Variants in ZSWIM5 observed in about 807,000 individuals in gnomAD.
ZSWIM5 encodes the protein zinc finger SWIM-type containing 5, also known as zinc finger SWIM domain-containing protein 5.
Under a neutral mutation model 119.6 loss-of-function variants are expected in ZSWIM5, and 55 were observed. That is an observed-to-expected ratio of 0.46 (90% confidence interval 0.37 to 0.58). The LOEUF (loss-of-function observed/expected upper bound fraction) is 0.58. Ranked by LOEUF, ZSWIM5 falls within the 20% of genes least tolerant of loss-of-function variation. The probability of loss-of-function intolerance (pLI) is 0.00; values close to 1 mark genes in which losing one functional copy is unlikely to be tolerated. For synonymous variants in ZSWIM5, 537 were observed against 606.9 expected (o/e 0.88, Z 1.69); for missense variants, 1,193 against 1,512.8 (o/e 0.79, Z 3.51).
At chr1:45,170,042 A>G (rs1447251869) in intron 1 of ZSWIM5, among the ~76,000 whole-genome samples, 1 of 152,088 alleles carries the variant, frequency 6.6e-6, no homozygotes, top group Non-Finnish European at 1.5e-5. Flanking sequence ...AAGTTCTAAA[A>G]CATTTTAAAA....
At position 45,062,680 on chromosome 1, in the gene ZSWIM5, T is replaced by A. The variant is rs187848871; in HGVS notation, c.953-2433A>T. Reference sequence around the variant, plus strand: ...TATGCCCAACTAATTTATTTTTAAATTTTTTTTGTAGAGATAGGGTCTTGC... The same window carrying A: ...TATGCCCAACTAATTTATTTTTAAAATTTTTTTGTAGAGATAGGGTCTTGC... On this transcript the variant is annotated intron_variant, in intron 2 of 13. Coordinates refer to ENST00000359600, the MANE Select transcript of ZSWIM5 (RefSeq NM_020883.2). 2.0e-3 allele frequency among the ~76,000 whole-genome samples: 302 copies of A among 151,996 alleles called. 3 individuals are homozygous for A. The highest frequency in any genetic ancestry group is 6.2e-3 in the African/African-American group (258 of 41,440).
At position 45,175,133 on chromosome 1, in the gene ZSWIM5, C is replaced by T. The variant is rs150847724; in HGVS notation, c.595+30623G>A. On this transcript the variant is annotated intron_variant, in intron 1 of 13. Coordinates refer to ENST00000359600, the MANE Select transcript of ZSWIM5 (RefSeq NM_020883.2). The stretch of plus-strand genomic sequence containing the variant: ...TTAACTTTCTGACTTCTGATACTTA[C>T]GAAGACTTCAGGCTAGCTATTTTGA... 1.8e-3 allele frequency among the ~76,000 whole-genome samples: 281 copies of T among 152,204 alleles called. 3 individuals are homozygous for T. Among genetic ancestry groups the T allele is most frequent in the Middle Eastern group, 3.4e-3 (1 of 294 alleles).
Position 45,018,361 on chromosome 1 carries a change from T to G in ZSWIM5, c.*93A>C. On this transcript the variant is annotated 3_prime_UTR_variant, in exon 14 of 14. Transcript: ENST00000359600. This position sits in a 1 kb window ranked among gnomAD's most constrained non-coding sequence, Gnocchi z 6.7. ...TGGCCTCATCCACAGGTGCTCAGAG[T>G]TCTCTCAGGGTGGACAAATGTTTCA... The G allele has an allele frequency of 6.7e-7, 1 of 1,498,018 alleles. No homozygotes were observed. Among genetic ancestry groups the G allele is most frequent in the Middle Eastern group, 2.5e-4 (1 of 4,024 alleles). 92.8% of individuals were successfully genotyped at this position (1,498,018 alleles called of 1,614,324 possible). A position where few individuals can be genotyped will look rare whatever the true frequency, so the allele number is the denominator to read the frequency against.
At chr1:45,032,494 T>C (rs1377560565) in intron 11 of ZSWIM5, among the ~76,000 whole-genome samples, 2 of 150,910 alleles carry the variant, frequency 1.3e-5, no homozygotes, top group African/African-American at 4.9e-5. Context: ...TTTTGTTTTT[T>C]TTTTTTTTTT....
In ZSWIM5 at chr1:45,036,039, C is replaced by T. The variant is rs1361337599; in HGVS notation, c.2155G>A (p.Gly719Arg). ...TGACAAGAGACTCTTTTCTACTTACCTTCCAGCAGTAAGATGCATTGTTTT... is the reference window on the plus strand; with the variant it reads ...TGACAAGAGACTCTTTTCTACTTACTTTCCAGCAGTAAGATGCATTGTTTT... ...LQKQCILLLEGGPFSGLGEVI... is the reference protein window; with the variant it reads ...LQKQCILLLERGPFSGLGEVI... The change falls in exon 9 of 14, where the codon GGA becomes AGA. Residue 719 changes from glycine (G) to arginine (R), a missense_variant and splice_region_variant. Transcript: ENST00000359600. 4.3e-6 allele frequency: 7 copies of T among 1,612,902 alleles called. No individual in the cohort carries two copies. The highest frequency in any genetic ancestry group is 5.9e-6 in the Non-Finnish European group (7 of 1,179,192).
intron 2 of ZSWIM5, among the ~76,000 whole-genome samples, chr1:45,077,913 ATC>A (rs1645265194): frequency 1.3e-5 from 2 of 152,218 alleles, no homozygotes; most frequent in Admixed American, 1.3e-4. Flanking sequence ...GTTTAAGGTT[ATC>A]TCTCTTATTC....
At chr1:45,178,082 G>A (rs970183636) in intron 1 of ZSWIM5, among the ~76,000 whole-genome samples, 1 of 152,042 alleles carries the variant, frequency 6.6e-6, no homozygotes, top group African/African-American at 2.4e-5. Context: ...GTCCTAGGGG[G>A]TTGTGAAACC....
intron 1 of ZSWIM5, among the ~76,000 whole-genome samples, chr1:45,186,220 G>A (rs1201240046): frequency 2.8e-5 from 4 of 144,278 alleles, no homozygotes; most frequent in African/African-American, 1.0e-4. Context: ...ATGGACACAG[G>A]AAGGGGAACA....
chr1:45,076,492 T>C (rs1469370301), intron 2 of ZSWIM5, among the ~76,000 whole-genome samples: 1 of 152,174 alleles, frequency 6.6e-6, no homozygotes, highest in Non-Finnish European at 1.5e-5. Context: ...GACTCCATTG[T>C]ATGTTACTTT....
intron 2 of ZSWIM5, among the ~76,000 whole-genome samples, chr1:45,077,010 G>A (rs1166164226): frequency 6.6e-6 from 1 of 152,006 alleles, no homozygotes; most frequent in Non-Finnish European, 1.5e-5. Context: ...CCTTCTCTGT[G>A]TTATCTTGAA....
chr1:45,204,714 T>C (rs984788061), intron 1 of ZSWIM5, among the ~76,000 whole-genome samples: 6 of 152,132 alleles, frequency 3.9e-5, no homozygotes, highest in African/African-American at 1.4e-4. Context: ...TCCCTTCAAC[T>C]CCTTTCAAAA....
chr1:45,182,057 A>G (rs1646022928), intron 1 of ZSWIM5, among the ~76,000 whole-genome samples: 1 of 152,230 alleles, frequency 6.6e-6, no homozygotes. Flanking sequence ...CATCATAATG[A>G]CAGGATCAAA....
At position 45,040,500 on chromosome 1, in the gene ZSWIM5, G is replaced by A. The variant is rs1196583657; in HGVS notation, c.1648C>T (p.Arg550Cys). The change falls in exon 7 of 14, where the codon CGT (arginine) becomes TGT (cysteine). Residue 550 changes from arginine to cysteine, a missense_variant. Coordinates refer to ENST00000359600, the MANE Select transcript of ZSWIM5 (RefSeq NM_020883.2). ...GCCTCTTTTGGATAACCATGGGAAC[G>A]CAGGGCGTCAACTCGAGCACAGGCT... ...PTACARVDAL[R>C]SHGYPKEALR... 2 of 1,611,568 alleles carry A rather than the reference G, an allele frequency of 1.2e-6. No individual in the cohort carries two copies. The highest frequency in any genetic ancestry group is 8.5e-7 in the Non-Finnish European group (1 of 1,178,816).
chr1:45,067,451 A>AGAAAG lies in ZSWIM5; in HGVS notation c.953-7205_953-7204insCTTTC, dbSNP rs1553191164. ...TAAGACCCTGCCTCAAAAAAAAAAA[A>AGAAAG]AAAGAAAGAAAGAAAGAAAGAAATA... On this transcript the variant is annotated intron_variant, in intron 2 of 13. Transcript: ENST00000359600. 2.0e-3 allele frequency among the ~76,000 whole-genome samples: 268 copies of AGAAAG among 136,716 alleles called. 2 individuals are homozygous for AGAAAG. The highest frequency in any genetic ancestry group is 2.9e-3 in the Admixed American group (39 of 13,534). The allele number at this position is 136,716 out of a possible 152,430, so 89.7% of individuals were successfully genotyped here.
At chr1:45,024,801 C>A (rs1009628043) in intron 11 of ZSWIM5, among the ~76,000 whole-genome samples, 1 of 151,916 alleles carries the variant, frequency 6.6e-6, no homozygotes, top group African/African-American at 2.4e-5. Context: ...ATTACAGATG[C>A]GTGATACCAT....
chr1:45,032,136 T>A (rs1309553187), intron 11 of ZSWIM5, among the ~76,000 whole-genome samples: 1 of 151,992 alleles, frequency 6.6e-6, no homozygotes, highest in South Asian at 2.1e-4. Flanking sequence ...TTCATCTCTC[T>A]TTTTTTTAAG....
intron 1 of ZSWIM5, among the ~76,000 whole-genome samples, chr1:45,114,560 T>C (rs902703127): frequency 6.6e-6 from 1 of 152,048 alleles, no homozygotes; most frequent in Non-Finnish European, 1.5e-5. Context: ...TTTTCAATAA[T>C]TGATAGAAAA....
At position 45,017,689 on chromosome 1, in the gene ZSWIM5, C is replaced by T. The variant is rs560587594; in HGVS notation, c.*765G>A. On this transcript the variant is annotated 3_prime_UTR_variant, in exon 14 of 14. Coordinates refer to ENST00000359600, the MANE Select transcript of ZSWIM5 (RefSeq NM_020883.2). ...TTCCCAGACCTTCATCTTCTCCCTG[C>T]ACTTGTTTCTCAGGTGTTCAGCAGG... 3 of 152,368 alleles carry T rather than the reference C, an allele frequency of 2.0e-5. No homozygotes were observed. The highest frequency in any genetic ancestry group is 1.9e-4 in the East Asian group (1 of 5,188). 9.4% of individuals were successfully genotyped at this position (152,368 alleles called of 1,614,324 possible).
chr1:45,027,977 A>T (rs1644930300), intron 11 of ZSWIM5, among the ~76,000 whole-genome samples: 1 of 152,138 alleles, frequency 6.6e-6, no homozygotes, highest in Admixed American at 6.5e-5. Context: ...CAGCCTCCCG[A>T]GTAGCTGGGA....
Sources: gnomAD v4.1 joint callset for allele counts (sites outside exome capture counted in the v4.1 genomes callset) on GRCh38, gnomAD v4.1.1 for gene constraint, Gnocchi (gnomAD v3.1) non-coding constraint, MANE v1.5 for transcripts, NCBI Gene and HGNC (gene_info 2026-07-23, HGNC 2026-07-21) for gene names.